Variants in FNDC3A observed in about 807,000 individuals in gnomAD.
The protein encoded by FNDC3A is fibronectin type III domain containing 3A, also known as fibronectin type-III domain-containing protein 3A.
FNDC3A carries 32 observed loss-of-function variants against 148.9 expected under a neutral mutation model. The observed-to-expected ratio is 0.21, with a 90% CI of 0.16 to 0.29. The LOEUF is 0.29. FNDC3A is among the 10% of genes least tolerant of loss of function. The pLI is 1.00. For synonymous variants in FNDC3A, 472 were observed against 473.6 expected (o/e 1.00, Z 0.04); for missense variants, 1,191 against 1,452.8 (o/e 0.82, Z 2.93).
intron 2 of FNDC3A, among the ~76,000 whole-genome samples, chr13:49,061,202 C>T (rs1876663652): frequency 6.6e-6 from 1 of 151,718 alleles, no homozygotes; most frequent in African/African-American, 2.4e-5. Flanking sequence ...CTCAAACTCC[C>T]GGACTCAAGT....
Position 49,198,624 on chromosome 13 carries a change from A to G in FNDC3A, c.2987+50A>G, listed in dbSNP as rs1886273721. On this transcript the variant is annotated intron_variant, in intron 23 of 25. Transcript: ENST00000492622. ...ATATAGTTTCTTAGGTCTTAAGTAT[A>G]TACATTTCTGTAACTATTAGAAGTA... 4.2e-6 allele frequency: 6 copies of G among 1,416,120 alleles called. No individual in the cohort carries two copies. In the African/African-American group the frequency reaches 5.7e-5, roughly 13 times the overall value. The allele number at this position is 1,416,120 out of a possible 1,614,324, so 87.7% of individuals were successfully genotyped here.
chr13:48,986,385 G>GTTGT (rs1951795469), intron 1 of FNDC3A, among the ~76,000 whole-genome samples: 2 of 54,412 alleles, frequency 3.7e-5, no homozygotes, highest in Admixed American at 3.2e-4. Context: ...GAAGGAAGTT[G>GTTGT]TTTTTTTTTT....
intron 1 of FNDC3A, among the ~76,000 whole-genome samples, chr13:48,985,613 A>G (rs1951774916): frequency 6.6e-6 from 1 of 152,248 alleles, no homozygotes; most frequent in Non-Finnish European, 1.5e-5. Flanking sequence ...TGAAAGGGCG[A>G]GATACAATAT....
chr13:49,160,891 C>T (rs1884060715), intron 8 of FNDC3A, among the ~76,000 whole-genome samples: 1 of 152,074 alleles, frequency 6.6e-6, no homozygotes, highest in South Asian at 2.1e-4. Context: ...AGTAGTCATT[C>T]AGGAGGAGGT....
intron 2 of FNDC3A, among the ~76,000 whole-genome samples, chr13:49,039,995 T>A (rs1566207958): frequency 6.6e-6 from 1 of 152,236 alleles, no homozygotes; most frequent in Non-Finnish European, 1.5e-5. Context: ...ATTACAGGCG[T>A]GAGCCACCGT....
At chr13:49,130,104 A>T (rs554771510) in intron 4 of FNDC3A, among the ~76,000 whole-genome samples, 27 of 152,260 alleles carry the variant, frequency 1.8e-4, no homozygotes, top group Admixed American at 1.2e-3. Flanking sequence ...ATTTTAAGAT[A>T]AAGTCCTTTA....
At chr13:49,003,217 C>T (rs767001115) in intron 1 of FNDC3A, among the ~76,000 whole-genome samples, 1 of 152,142 alleles carries the variant, frequency 6.6e-6, no homozygotes, top group Admixed American at 6.5e-5. Context: ...AGGCACCTGC[C>T]ACCACACTCA....
At chr13:49,069,747 A>G (rs1877521108) in intron 2 of FNDC3A, among the ~76,000 whole-genome samples, 1 of 152,194 alleles carries the variant, frequency 6.6e-6, no homozygotes, top group East Asian at 1.9e-4. Context: ...AATATCAAAG[A>G]AGTGTTTGAC....
At chr13:49,094,776 CAAGAGGACACTT>C in intron 3 of FNDC3A, among the ~76,000 whole-genome samples, 1 of 151,976 alleles carries the variant, frequency 6.6e-6, no homozygotes, top group East Asian at 1.9e-4. Context: ...AAAATACTTC[CAAGAGGACACTT>C]ACAGGGTGAG....
chr13:49,058,445 G>GA (rs1426868637), intron 2 of FNDC3A, among the ~76,000 whole-genome samples: 4 of 152,024 alleles, frequency 2.6e-5, no homozygotes, highest in Non-Finnish European at 5.9e-5. Context: ...TTCTTTCTTT[G>GA]GAGGCAGAAA....
intron 3 of FNDC3A, among the ~76,000 whole-genome samples, chr13:49,085,698 ATG>A (rs1313378260): frequency 2.0e-5 from 3 of 152,190 alleles, no homozygotes; most frequent in Non-Finnish European, 4.4e-5. Flanking sequence ...GTAACAGACT[ATG>A]TGACAGAATT....
chr13:49,106,370 T>C (rs1327866185), intron 3 of FNDC3A, among the ~76,000 whole-genome samples: 1 of 152,120 alleles, frequency 6.6e-6, no homozygotes, highest in East Asian at 1.9e-4. Context: ...TGGAGTGCAG[T>C]GGCAGGATCA....
At chr13:49,103,291 TAAAATAGC>T (rs1252283082) in intron 3 of FNDC3A, among the ~76,000 whole-genome samples, 1 of 152,186 alleles carries the variant, frequency 6.6e-6, no homozygotes, top group African/African-American at 2.4e-5. Flanking sequence ...AAATGAATGA[TAAAATAGC>T]AAAATAGTAA....
intron 2 of FNDC3A, among the ~76,000 whole-genome samples, chr13:49,033,123 C>G (rs548660815): frequency 2.4e-4 from 37 of 152,112 alleles, no homozygotes; most frequent in Non-Finnish European, 4.6e-4. Context: ...TATATATAAA[C>G]CGCAAATATA....
chr13:49,010,745 A>G (rs1379699889), intron 2 of FNDC3A, among the ~76,000 whole-genome samples: 1 of 152,222 alleles, frequency 6.6e-6, no homozygotes, highest in Admixed American at 6.5e-5. Context: ...TTTCTTCCAC[A>G]TCATAACACC....
At chr13:49,144,697 A>G (rs9535155) in intron 7 of FNDC3A, among the ~76,000 whole-genome samples, 48,981 of 152,026 alleles carry the variant, frequency 0.32, 8,007 homozygotes, top group South Asian at 0.48. Context: ...CATAATTGAA[A>G]CCACATGTTT....
intron 2 of FNDC3A, among the ~76,000 whole-genome samples, chr13:49,009,179 A>G (rs932459742): frequency 2.6e-5 from 4 of 152,104 alleles, no homozygotes; most frequent in Admixed American, 2.0e-4. Context: ...TCTTTTTACT[A>G]TCTCTCTACT....
chr13:49,177,377 G>C (rs553387011), intron 13 of FNDC3A, among the ~76,000 whole-genome samples: 6 of 152,162 alleles, frequency 3.9e-5, no homozygotes, highest in Non-Finnish European at 8.8e-5. Context: ...AGTACAGCCT[G>C]AATCTAGTTA....
intron 2 of FNDC3A, among the ~76,000 whole-genome samples, 169 bp downstream of exon 2, chr13:49,006,458 C>G (rs1679143631): frequency 6.6e-6 from 1 of 151,892 alleles, no homozygotes; most frequent in Admixed American, 6.6e-5. Context: ...TTTTTGAAGT[C>G]TCTTTTAAAA....
Sources: allele counts gnomAD v4.1 joint callset (sites outside exome capture counted in the v4.1 genomes callset), GRCh38; gene constraint gnomAD v4.1.1; transcripts MANE v1.5; gene names NCBI Gene and HGNC (gene_info 2026-07-23, HGNC 2026-07-21).